Variants in STPG2 observed in about 807,000 individuals in gnomAD.
The protein encoded by STPG2 is sperm-tail PG-rich repeat-containing protein 2.
A neutral mutation model predicts 54.2 loss-of-function variants in STPG2; 56 were observed. That is an observed-to-expected ratio of 1.03 (90% CI 0.83 to 1.29). The LOEUF (loss-of-function observed/expected upper bound fraction) is 1.29. Among genes scored for constraint, STPG2 ranks in the 50% most tolerant of loss-of-function variants. STPG2 has a pLI of 0.00. For synonymous variants in STPG2, 200 were observed against 181.8 expected (o/e 1.10, Z -0.81); for missense variants, 596 against 544.9 (o/e 1.09, Z -0.93).
chr4:97,579,942 T>C (rs1732822669), intron 10 of STPG2, among the ~76,000 whole-genome samples: 1 of 152,056 alleles, frequency 6.6e-6, no homozygotes, highest in African/African-American at 2.4e-5. Flanking sequence ...ACTTTATTTA[T>C]CTATCACTAA....
At chr4:97,942,117 C>G (rs1056205783) in intron 8 of STPG2, among the ~76,000 whole-genome samples, 1 of 150,002 alleles carries the variant, frequency 6.7e-6, no homozygotes, top group Non-Finnish European at 1.5e-5. Flanking sequence ...TGTATAGATA[C>G]GTTTTAAATA....
At chr4:97,758,429 AT>A (rs1725793923) in intron 9 of STPG2, among the ~76,000 whole-genome samples, 3 of 152,218 alleles carry the variant, frequency 2.0e-5, no homozygotes, top group Admixed American at 2.0e-4. Flanking sequence ...ACACCATGGA[AT>A]GCTATGCAGT....
intron 5 of STPG2, among the ~76,000 whole-genome samples, chr4:98,009,713 G>A (rs1735684150): frequency 6.6e-6 from 1 of 151,928 alleles, no homozygotes; most frequent in Admixed American, 6.6e-5. Context: ...CTGTATTGCT[G>A]CCTATTTCTC....
intron 9 of STPG2, among the ~76,000 whole-genome samples, chr4:97,751,687 A>G (rs1020034843): frequency 6.6e-6 from 1 of 151,794 alleles, no homozygotes; most frequent in Non-Finnish European, 1.5e-5. Flanking sequence ...TGAATTGCCA[A>G]AGAGTGGTCA....
chr4:97,600,529 T>C (rs1733430947), intron 10 of STPG2, among the ~76,000 whole-genome samples: 1 of 152,198 alleles, frequency 6.6e-6, no homozygotes, highest in Non-Finnish European at 1.5e-5. Context: ...GGGCTCATAA[T>C]GGATTTCATA....
chr4:97,820,289 C>A (rs1045057967), intron 9 of STPG2, among the ~76,000 whole-genome samples: 1 of 152,136 alleles, frequency 6.6e-6, no homozygotes, highest in Admixed American at 6.5e-5. Context: ...CTCTCTCCCT[C>A]CCCTCCAGCC....
chr4:98,132,348 G>T lies in STPG2; in HGVS notation c.222+1999C>A, dbSNP rs868242444. Among the ~76,000 whole-genome samples the T allele has an allele frequency of 5.3e-5, 8 of 152,006 alleles. No individual in the cohort carries two copies. The South Asian group carries it at 1.7e-3, about 32-fold the overall frequency. On this transcript the variant is annotated intron_variant, in intron 2 of 10. Coordinates refer to ENST00000295268, the MANE Select transcript of STPG2 (RefSeq NM_174952.3). ...AACACTAATAAATTTTTATAGGAAG[G>T]CTTTTTAAATGTACTTCATATCACA...
chr4:97,534,815 G>A (rs551538883), intron 4 of STPG2, among the ~76,000 whole-genome samples: 181 of 152,214 alleles, frequency 1.2e-3, no homozygotes, highest in Admixed American at 3.6e-3. Context: ...CCACTACTCT[G>A]CTTCCTGTGC....
intron 8 of STPG2, among the ~76,000 whole-genome samples, chr4:97,937,766 G>T (rs908744782): frequency 3.3e-5 from 5 of 152,064 alleles, no homozygotes; most frequent in Non-Finnish European, 7.4e-5. Context: ...CTTTCCTCTG[G>T]GATCTCTGAC....
chr4:97,841,482 A>G (rs994510649), intron 8 of STPG2, among the ~76,000 whole-genome samples: 3 of 151,806 alleles, frequency 2.0e-5, no homozygotes, highest in African/African-American at 7.2e-5. Context: ...ATAATAATTA[A>G]TTCTAAACTA....
At chr4:97,630,408 G>A (rs1343058896) in intron 10 of STPG2, among the ~76,000 whole-genome samples, 1 of 151,708 alleles carries the variant, frequency 6.6e-6, no homozygotes, top group Non-Finnish European at 1.5e-5. Context: ...TAGCAAAGAT[G>A]AAATCAGATC....
intron 5 of STPG2, among the ~76,000 whole-genome samples, chr4:98,072,254 T>C (rs2110108545): frequency 6.6e-6 from 1 of 152,304 alleles, no homozygotes; most frequent in East Asian, 1.9e-4. Context: ...ATTATGTCCT[T>C]TGCGGGACAT....
chr4:97,833,445 G>C (rs1728534896), intron 9 of STPG2, among the ~76,000 whole-genome samples: 1 of 152,116 alleles, frequency 6.6e-6, no homozygotes, highest in East Asian at 1.9e-4. Context: ...CATAGGCATG[G>C]GGAAAGACTT....
At chr4:97,730,667 G>C (rs1724768791) in intron 9 of STPG2, among the ~76,000 whole-genome samples, 1 of 152,120 alleles carries the variant, frequency 6.6e-6, no homozygotes, top group African/African-American at 2.4e-5. Flanking sequence ...ATGAGTCATT[G>C]GTTTGGTCTC....
chr4:97,875,724 T>A (rs1045087985), intron 8 of STPG2, among the ~76,000 whole-genome samples: 7 of 151,430 alleles, frequency 4.6e-5, no homozygotes, highest in Non-Finnish European at 8.8e-5. Flanking sequence ...TTATAATTAG[T>A]ATGCAAATAT....
chr4:98,065,711 A>C (rs1016802442), intron 5 of STPG2, among the ~76,000 whole-genome samples: 10 of 152,204 alleles, frequency 6.6e-5, no homozygotes, highest in Non-Finnish European at 1.3e-4. Context: ...CCAATCTATG[A>C]ATAAAACAAG....
chr4:97,911,147 C>A (rs1731663828), intron 8 of STPG2, among the ~76,000 whole-genome samples: 1 of 152,236 alleles, frequency 6.6e-6, no homozygotes, highest in Non-Finnish European at 1.5e-5. Context: ...CTTTGCAACC[C>A]ACGAATAAGA....
chr4:97,686,941 A>AT (rs1345242792), intron 10 of STPG2, among the ~76,000 whole-genome samples: 1,117 of 57,756 alleles, frequency 0.019, 12 homozygotes, highest in African/African-American at 0.038. Context: ...TATTATTATT[A>AT]TTTTTTTTTT....
At chr4:97,948,860 T>G (rs575062984) in intron 7 of STPG2, among the ~76,000 whole-genome samples, 1 of 152,238 alleles carries the variant, frequency 6.6e-6, no homozygotes, top group South Asian at 2.1e-4. Flanking sequence ...AAATGTTCCA[T>G]GTGCTGATGA....
Sources: gnomAD v4.1 joint callset for allele counts (sites outside exome capture counted in the v4.1 genomes callset) on GRCh38, gnomAD v4.1.1 for gene constraint, MANE v1.5 for transcripts, NCBI Gene and HGNC (gene_info 2026-07-23, HGNC 2026-07-21) for gene names.